The following FTO variants were observed in gnomAD, a reference collection of about 807,000 sequenced individuals.
FTO encodes alpha-ketoglutarate-dependent dioxygenase FTO.
Under a neutral mutation model 63.9 loss-of-function variants are expected in FTO, and 47 were observed. That is an observed-to-expected ratio of 0.74 (90% CI 0.58 to 0.94). The LOEUF (loss-of-function observed/expected upper bound fraction) is 0.94, where lower values mean the gene tolerates loss of function less well. Ranked by LOEUF, FTO falls within the 40% of genes least tolerant of loss-of-function variation. The probability of loss-of-function intolerance (pLI) is 0.00; values close to 1 mark genes in which losing one functional copy is unlikely to be tolerated. For missense variants in FTO, 562 were observed against 618.1 expected, an observed-to-expected ratio of 0.91 and a Z score of 0.96; for synonymous variants, 207 against 224.4, an observed-to-expected ratio of 0.92 and a Z score of 0.69.
At chr16:54,109,623 A>G (rs912800824) in intron 8 of FTO, among the ~76,000 whole-genome samples, 1 of 152,182 alleles carries the variant, frequency 6.6e-6, no homozygotes, top group East Asian at 1.9e-4. Flanking sequence ...GTGAGCCACC[A>G]CGCCTGGCCC....
chr16:54,058,207 G>T (rs1333022779), intron 8 of FTO, among the ~76,000 whole-genome samples: 4 of 152,092 alleles, frequency 2.6e-5, no homozygotes, highest in Non-Finnish European at 5.9e-5. Flanking sequence ...CGCCTCCAGG[G>T]TTCAGGTGAT....
chr16:53,881,850 G>T (rs948752258), intron 6 of FTO, among the ~76,000 whole-genome samples: 1 of 152,088 alleles, frequency 6.6e-6, no homozygotes, highest in Non-Finnish European at 1.5e-5. Context: ...TTAGCCAAAA[G>T]AAAAAGTATC....
At chr16:53,881,154 A>AAATAAAT (rs2080821943) in intron 6 of FTO, among the ~76,000 whole-genome samples, 2 of 126,390 alleles carry the variant, frequency 1.6e-5, no homozygotes, top group African/African-American at 8.0e-5. Context: ...AATAAATAAA[A>AAATAAAT]ATAAAATAAA....
chr16:53,920,798 A>G (rs758724191), intron 7 of FTO, among the ~76,000 whole-genome samples: 3 of 152,154 alleles, frequency 2.0e-5, no homozygotes, highest in Non-Finnish European at 2.9e-5. Flanking sequence ...GCAGGTCGTA[A>G]GCACTAAATA....
chr16:53,922,471 A>C (rs74370063), intron 7 of FTO, among the ~76,000 whole-genome samples: 1 of 151,602 alleles, frequency 6.6e-6, no homozygotes, highest in African/African-American at 2.4e-5. Flanking sequence ...ATCCACAGAC[A>C]AAAAAAAATG....
At chr16:53,997,177 GAGAA>G (rs2049946445) in intron 8 of FTO, among the ~76,000 whole-genome samples, 2 of 150,468 alleles carry the variant, frequency 1.3e-5, no homozygotes, top group Non-Finnish European at 3.0e-5. Flanking sequence ...GAGAGAGGGA[GAGAA>G]AGAAGGAAGG....
At chr16:53,867,490 CATAT>C (rs933791158) in intron 4 of FTO, among the ~76,000 whole-genome samples, 52 of 136,650 alleles carry the variant, frequency 3.8e-4, no homozygotes, top group African/African-American at 1.4e-3. Context: ...ATGTACGCCA[CATAT>C]GTGTGTGTGT....
intron 8 of FTO, among the ~76,000 whole-genome samples, chr16:54,026,589 T>A (rs563994330): frequency 2.8e-4 from 42 of 152,202 alleles, no homozygotes; most frequent in Non-Finnish European, 8.8e-5. Flanking sequence ...GAAGAATGGA[T>A]GTTAGGAAGG....
chr16:53,790,579 C>CAAAAAAAAAA (rs34860208), intron 1 of FTO, among the ~76,000 whole-genome samples: 8 of 55,180 alleles, frequency 1.4e-4, no homozygotes, highest in East Asian at 6.9e-4. Flanking sequence ...CAAAATAAAG[C>CAAAAAAAAAA]AAAAAAAAAA....
At chr16:54,026,073 G>A (rs1320148563) in intron 8 of FTO, among the ~76,000 whole-genome samples, 1 of 152,118 alleles carries the variant, frequency 6.6e-6, no homozygotes, top group Non-Finnish European at 1.5e-5. Flanking sequence ...ATATAATTAG[G>A]CATTTTGCTG....
chr16:53,704,205 C>T lies in FTO; in HGVS notation c.21C>T (p.Ala7=), dbSNP rs1230174514. Reference sequence around the variant, plus strand: ...GCAGCATGAAGCGCACCCCGACTGCCGAGGAACGAGAGCGCGAAGCTAAGG... The same window carrying T: ...GCAGCATGAAGCGCACCCCGACTGCTGAGGAACGAGAGCGCGAAGCTAAGG... MKRTPT[A]EEREREAKKL... is the part of the protein sequence containing the mutation. The change falls in exon 1 of 9, where the codon GCC becomes GCT. Residue 7 remains alanine, a synonymous_variant. Coordinates refer to ENST00000471389, the MANE Select transcript of FTO (RefSeq NM_001080432.3). The T allele has an allele frequency of 2.6e-6, 4 of 1,551,340 alleles. No homozygotes were observed. The highest frequency in any genetic ancestry group is 1.7e-4 in the Middle Eastern group (1 of 6,008).
intron 8 of FTO, among the ~76,000 whole-genome samples, chr16:53,974,201 C>T (rs1251958955): frequency 2.0e-5 from 3 of 152,162 alleles, no homozygotes; most frequent in Non-Finnish European, 2.9e-5. Context: ...AACTTGCCTA[C>T]ACCTCAGTTT....
intron 7 of FTO, among the ~76,000 whole-genome samples, chr16:53,917,707 T>C (rs1567435093): frequency 2.6e-5 from 3 of 115,604 alleles, no homozygotes; most frequent in Non-Finnish European, 5.8e-5. Flanking sequence ...CAAAATTGAG[T>C]GAGTGTGTGT....
chr16:53,750,565 A>G (rs183447737), intron 1 of FTO, among the ~76,000 whole-genome samples: 166 of 152,324 alleles, frequency 1.1e-3, no homozygotes, highest in Non-Finnish European at 1.8e-3. Context: ...TTTTTAAAAG[A>G]TTATAAAGAA....
At chr16:53,765,366 G>A (rs572635656) in intron 1 of FTO, among the ~76,000 whole-genome samples, 1 of 151,586 alleles carries the variant, frequency 6.6e-6, no homozygotes, top group African/African-American at 2.4e-5. Context: ...AGACCAGCCT[G>A]GGCAATATGG....
chr16:54,075,013 G>A (rs576257904), intron 8 of FTO, among the ~76,000 whole-genome samples: 70 of 151,006 alleles, frequency 4.6e-4, no homozygotes, highest in South Asian at 6.4e-4. Flanking sequence ...GATTTAATTT[G>A]CATTCTTTTG....
At chr16:53,823,753 G>A (rs1176489029) in intron 2 of FTO, among the ~76,000 whole-genome samples, 1 of 152,086 alleles carries the variant, frequency 6.6e-6, no homozygotes, top group Non-Finnish European at 1.5e-5. Flanking sequence ...AGGTGTGGTG[G>A]CGCATGCCTG....
intron 1 of FTO, among the ~76,000 whole-genome samples, chr16:53,745,442 C>CTT: frequency 1.3e-5 from 2 of 152,294 alleles, no homozygotes; most frequent in East Asian, 3.9e-4. Flanking sequence ...GAAAGAGACT[C>CTT]TAACAGAAGA....
chr16:53,802,337 A>T (rs1031091008), intron 1 of FTO, among the ~76,000 whole-genome samples: 11 of 152,284 alleles, frequency 7.2e-5, no homozygotes, highest in African/African-American at 2.6e-4. Context: ...ATAAGAAAAA[A>T]GTCTGCACAT....
Sources: allele counts gnomAD v4.1 joint callset (sites outside exome capture counted in the v4.1 genomes callset), GRCh38; gene constraint gnomAD v4.1.1; transcripts MANE v1.5; gene names NCBI Gene and HGNC (gene_info 2026-07-23, HGNC 2026-07-21).